SPIDR: variants seen among roughly 807,000 people sequenced by gnomAD.
SPIDR encodes the protein scaffold protein involved in DNA repair, also known as DNA repair-scaffolding protein.
Under a neutral mutation model 104.6 loss-of-function variants are expected in SPIDR, and 93 were observed. The observed-to-expected ratio is 0.89, with a 90% CI of 0.75 to 1.06. The LOEUF is 1.06. SPIDR is among the 50% of genes least tolerant of loss of function. SPIDR has a pLI of 0.00. For missense variants in SPIDR, 1,154 were observed against 1,111.2 expected, an observed-to-expected ratio of 1.04 and a Z score of -0.55; for synonymous variants, 431 against 416.9, an observed-to-expected ratio of 1.03 and a Z score of -0.41.
intron 7 of SPIDR, among the ~76,000 whole-genome samples, 157 bp from the exon 8 acceptor site, chr8:47,440,166 G>A (rs782249089): frequency 3.9e-5 from 6 of 152,198 alleles, no homozygotes; most frequent in African/African-American, 1.4e-4. Flanking sequence ...AGTGAGCATC[G>A]TAGTGTCTCT....
chr8:47,520,192 G>T (rs1399853835), intron 8 of SPIDR, among the ~76,000 whole-genome samples: 1 of 152,168 alleles, frequency 6.6e-6, no homozygotes, highest in African/African-American at 2.4e-5. Context: ...CACGCCTCTT[G>T]TAACACAGAG....
At chr8:47,444,239 A>G (rs781901708) in intron 8 of SPIDR, among the ~76,000 whole-genome samples, 2 of 152,214 alleles carry the variant, frequency 1.3e-5, no homozygotes, top group Admixed American at 1.3e-4. Context: ...ATTTACTTTA[A>G]TGATACTGGG....
intron 16 of SPIDR, among the ~76,000 whole-genome samples, chr8:47,716,249 G>A (rs1039075868): frequency 1.3e-5 from 2 of 152,062 alleles, no homozygotes; most frequent in African/African-American, 4.8e-5. Context: ...TGTGAACCAC[G>A]GCACCCAGCC....
intron 5 of SPIDR, among the ~76,000 whole-genome samples, chr8:47,333,502 C>G (rs780809974): frequency 6.6e-6 from 1 of 151,930 alleles, no homozygotes; most frequent in Non-Finnish European, 1.5e-5. Flanking sequence ...CAGGGTTTCA[C>G]CATGTTGGCC....
At chr8:47,344,441 G>A (rs1201349995) in intron 5 of SPIDR, among the ~76,000 whole-genome samples, 1 of 152,146 alleles carries the variant, frequency 6.6e-6, no homozygotes, top group Non-Finnish European at 1.5e-5. Context: ...GTGTGTATGT[G>A]TCTTTATAAT....
chr8:47,562,328 G>A (rs1248957725), intron 8 of SPIDR, among the ~76,000 whole-genome samples: 1 of 152,178 alleles, frequency 6.6e-6, no homozygotes, highest in South Asian at 2.1e-4. Flanking sequence ...GGTCAGTGGT[G>A]GAGGTTGTGA....
intron 8 of SPIDR, among the ~76,000 whole-genome samples, chr8:47,541,952 C>G (rs2088251612): frequency 6.6e-6 from 1 of 152,030 alleles, no homozygotes; most frequent in African/African-American, 2.4e-5. Context: ...TATGTTTATA[C>G]TATACTTACC....
At chr8:47,584,482 A>G (rs2060064002) in intron 8 of SPIDR, among the ~76,000 whole-genome samples, 1 of 152,234 alleles carries the variant, frequency 6.6e-6, no homozygotes, top group Non-Finnish European at 1.5e-5. Context: ...TTGTTACTTA[A>G]TAAGGTTTAA....
intron 8 of SPIDR, among the ~76,000 whole-genome samples, chr8:47,468,702 G>T (rs1554719093): frequency 6.6e-6 from 1 of 152,026 alleles, no homozygotes; most frequent in African/African-American, 2.4e-5. Flanking sequence ...ACTCAAGATG[G>T]ATCAAAAATG....
intron 10 of SPIDR, among the ~76,000 whole-genome samples, chr8:47,606,363 C>CAAAAAA (rs879898929): frequency 7.2e-6 from 1 of 138,188 alleles, no homozygotes; most frequent in African/African-American, 2.7e-5. Flanking sequence ...ACTAAAAATA[C>CAAAAAA]AAAAAAAAAA....
intron 4 of SPIDR, among the ~76,000 whole-genome samples, chr8:47,292,815 A>G (rs1476259073): frequency 6.6e-6 from 1 of 151,784 alleles, no homozygotes; most frequent in Non-Finnish European, 1.5e-5. Flanking sequence ...TATTGTATTT[A>G]TTTTGTATTG....
chr8:47,582,371 G>A (rs1345554352), intron 8 of SPIDR, among the ~76,000 whole-genome samples: 1 of 152,132 alleles, frequency 6.6e-6, no homozygotes, highest in Admixed American at 6.5e-5. Flanking sequence ...TAACTAGTAG[G>A]AAAATAAAAG....
intron 8 of SPIDR, among the ~76,000 whole-genome samples, chr8:47,561,914 T>G (rs1446944177): frequency 6.6e-6 from 1 of 152,244 alleles, no homozygotes; most frequent in African/African-American, 2.4e-5. Context: ...AAAGCATGAC[T>G]ACAAACCACA....
chr8:47,651,040 A>T (rs973281949), intron 10 of SPIDR, among the ~76,000 whole-genome samples: 2 of 152,158 alleles, frequency 1.3e-5, no homozygotes, highest in Admixed American at 1.3e-4. Flanking sequence ...ACATCCCCTA[A>T]GCAAAAAATT....
At chr8:47,539,513 TG>T (rs2087676012) in intron 8 of SPIDR, among the ~76,000 whole-genome samples, 2 of 152,216 alleles carry the variant, frequency 1.3e-5, no homozygotes, top group Non-Finnish European at 2.9e-5. Flanking sequence ...CATTTTAATT[TG>T]CATTTTTTAA....
At chr8:47,562,963 A>AT (rs942389827) in intron 8 of SPIDR, among the ~76,000 whole-genome samples, 48 of 151,314 alleles carry the variant, frequency 3.2e-4, no homozygotes, top group African/African-American at 1.1e-3. Flanking sequence ...ATGTATGACA[A>AT]TTTTTTTTGG....
intron 8 of SPIDR, among the ~76,000 whole-genome samples, chr8:47,515,346 C>T (rs2082960044): frequency 6.6e-6 from 1 of 152,116 alleles, no homozygotes; most frequent in Non-Finnish European, 1.5e-5. Flanking sequence ...GTGTGTTCTC[C>T]AAACACTTAG....
chr8:47,304,776 A>G (rs2042839176), intron 5 of SPIDR, among the ~76,000 whole-genome samples: 1 of 152,236 alleles, frequency 6.6e-6, no homozygotes, highest in East Asian at 1.9e-4. Context: ...CTTTATACCA[A>G]TGTGAGAATG....
At chr8:47,557,394 T>C (rs1313470964) in intron 8 of SPIDR, among the ~76,000 whole-genome samples, 2 of 152,210 alleles carry the variant, frequency 1.3e-5, no homozygotes, top group African/African-American at 4.8e-5. Context: ...GCACCTCTGT[T>C]CTGAACTGAT....
Sources: allele counts gnomAD v4.1 joint callset (sites outside exome capture counted in the v4.1 genomes callset), GRCh38; gene constraint gnomAD v4.1.1; transcripts MANE v1.5; gene names NCBI Gene and HGNC (gene_info 2026-07-23, HGNC 2026-07-21).